FAM193A: variants seen among roughly 807,000 people sequenced by gnomAD.
FAM193A encodes the protein family with sequence similarity 193 member A, also known as protein FAM193A.
Under a neutral mutation model 126.5 loss-of-function variants are expected in FAM193A, and 22 were observed. The observed-to-expected ratio is 0.17, with a 90% CI of 0.12 to 0.25. FAM193A has a LOEUF of 0.25. Among genes scored for constraint, FAM193A ranks in the 10% least tolerant of loss-of-function variants. The probability of loss-of-function intolerance (pLI) is 1.00; values close to 1 mark genes in which losing one functional copy is unlikely to be tolerated. For synonymous variants in FAM193A, 761 were observed against 646.8 expected (o/e 1.18, Z -2.68); for missense variants, 1,675 against 1,672.8 (o/e 1.00, Z -0.02).
chr4:2,644,172 C>A (rs1019665518), intron 6 of FAM193A, among the ~76,000 whole-genome samples: 1 of 152,182 alleles, frequency 6.6e-6, no homozygotes. Context: ...AGCCCTGTGC[C>A]TGCAGATTGC....
chr4:2,721,079 C>T (rs1010824433), intron 20 of FAM193A, among the ~76,000 whole-genome samples: 1 of 151,870 alleles, frequency 6.6e-6, no homozygotes, highest in South Asian at 2.1e-4. Flanking sequence ...TTTGGGAGGC[C>T]GAGGCAGGTG....
chr4:2,663,344 T>G, intron 12 of FAM193A, 56 bp downstream of exon 12: 3 of 1,386,194 alleles, frequency 2.2e-6, no homozygotes, highest in Non-Finnish European at 2.9e-6. Context: ...GTATTTTCTC[T>G]AAACATGAGC....
intron 20 of FAM193A, among the ~76,000 whole-genome samples, chr4:2,730,138 G>T (rs1721209724): frequency 6.6e-6 from 1 of 152,074 alleles, no homozygotes; most frequent in Admixed American, 6.6e-5. Flanking sequence ...AAACGCCTGG[G>T]TTCAAGTGAT....
intron 4 of FAM193A, among the ~76,000 whole-genome samples, chr4:2,627,610 C>T (rs530242263): frequency 1.5e-5 from 2 of 131,992 alleles, no homozygotes; most frequent in African/African-American, 5.8e-5. Flanking sequence ...TGGAGTCTCA[C>T]TCTGTCGCCC....
At chr4:2,606,454 G>A (rs1741557939) in intron 2 of FAM193A, among the ~76,000 whole-genome samples, 5 of 152,180 alleles carry the variant, frequency 3.3e-5, no homozygotes, top group Admixed American at 2.6e-4. Context: ...AGTATTTGAA[G>A]AAATATTTTA....
At chr4:2,587,500 C>T (rs906533566) in intron 1 of FAM193A, among the ~76,000 whole-genome samples, 1 of 152,116 alleles carries the variant, frequency 6.6e-6, no homozygotes, top group Non-Finnish European at 1.5e-5. Flanking sequence ...CGAGACTAGC[C>T]TGGCGACCTA....
chr4:2,607,753 A>G (rs988981818), intron 2 of FAM193A: 9 of 465,442 alleles, frequency 1.9e-5, no homozygotes, highest in Middle Eastern at 5.7e-4. Flanking sequence ...ATGCTGGACC[A>G]TCTGAATGGG....
intron 12 of FAM193A, among the ~76,000 whole-genome samples, chr4:2,671,299 C>A (rs577734090): frequency 3.2e-4 from 48 of 152,212 alleles, no homozygotes; most frequent in Non-Finnish European, 5.3e-4. Flanking sequence ...TGCCACTCAC[C>A]CCAGTTGGGA....
At chr4:2,635,972 A>G (rs1035313386) in intron 5 of FAM193A, among the ~76,000 whole-genome samples, 3 of 151,850 alleles carry the variant, frequency 2.0e-5, no homozygotes, top group Admixed American at 2.0e-4. Context: ...TCAACTTTTT[A>G]CAGATAATGT....
At chr4:2,683,734 A>G (rs1381716002) in intron 13 of FAM193A, among the ~76,000 whole-genome samples, 2 of 152,164 alleles carry the variant, frequency 1.3e-5, no homozygotes, top group Non-Finnish European at 2.9e-5. Flanking sequence ...CTTTTTAGCT[A>G]TTACTACTTC....
At chr4:2,579,820 A>T (rs1577033310) in intron 1 of FAM193A, among the ~76,000 whole-genome samples, 1 of 152,200 alleles carries the variant, frequency 6.6e-6, no homozygotes, top group African/African-American at 2.4e-5. Context: ...ACGCTTATAC[A>T]CTGTTGGTGC....
intron 1 of FAM193A, among the ~76,000 whole-genome samples, chr4:2,552,763 TC>T (rs1235626999): frequency 1.3e-5 from 2 of 150,206 alleles, no homozygotes; most frequent in Non-Finnish European, 3.0e-5. Context: ...GGTCTTGATC[TC>T]ATGACCTCGG....
In FAM193A at chr4:2,732,137, C is replaced by G. The variant is rs1335917627; in HGVS notation, c.*269C>G. 2 of 490,458 alleles carry G rather than the reference C, an allele frequency of 4.1e-6. No homozygotes were observed. The highest frequency in any genetic ancestry group is 3.9e-5 in the African/African-American group (2 of 51,274). 30.4% of individuals were successfully genotyped at this position (490,458 alleles called of 1,614,324 possible). On this transcript the variant is annotated 3_prime_UTR_variant, in exon 21 of 21. Coordinates refer to ENST00000637812, the MANE Select transcript of FAM193A (RefSeq NM_001366318.2). ...CGCCAAGTCCTCCCACCACCGCGGCCTCGGAGGCCTGGGCCGTGGCCAGAT... is the reference window on the plus strand; with the variant it reads ...CGCCAAGTCCTCCCACCACCGCGGCGTCGGAGGCCTGGGCCGTGGCCAGAT...
At chr4:2,536,606 C>G (rs1420160822), upstream of FAM193A, 1 of 150,172 alleles carries the variant, frequency 6.7e-6, no homozygotes, top group Non-Finnish European at 1.5e-5. Context: ...CACCCCTCCC[C>G]CTCCCCGCTG....
upstream of FAM193A, among the ~76,000 whole-genome samples, chr4:2,536,449 A>G (rs1164091814): frequency 6.6e-6 from 1 of 151,750 alleles, no homozygotes; most frequent in South Asian, 2.1e-4. Context: ...GGGTACCCCC[A>G]GCTGCTGCAC....
chr4:2,542,781 G>A (rs557299428), intron 1 of FAM193A, among the ~76,000 whole-genome samples: 1 of 152,186 alleles, frequency 6.6e-6, no homozygotes, highest in East Asian at 1.9e-4. Flanking sequence ...TAAGAGAGAA[G>A]GCCGAGTGGA....
chr4:2,727,667 G>A (rs1159973619), intron 20 of FAM193A, among the ~76,000 whole-genome samples: 1 of 152,130 alleles, frequency 6.6e-6, no homozygotes, highest in Non-Finnish European at 1.5e-5. Context: ...TCAAATACTG[G>A]GTATTGTTGA....
chr4:2,557,653 G>A (rs1738339347), intron 1 of FAM193A, among the ~76,000 whole-genome samples: 1 of 152,034 alleles, frequency 6.6e-6, no homozygotes, highest in East Asian at 1.9e-4. Context: ...CTAAAATTCA[G>A]TAAAATGGTT....
chr4:2,553,310 C>G (rs1484586750), intron 1 of FAM193A, among the ~76,000 whole-genome samples: 1 of 151,842 alleles, frequency 6.6e-6, no homozygotes, highest in Non-Finnish European at 1.5e-5. Flanking sequence ...AGCCATTGCA[C>G]TCAAGCTAGG....
Sources: gnomAD v4.1 joint callset for allele counts (sites outside exome capture counted in the v4.1 genomes callset) on GRCh38, gnomAD v4.1.1 for gene constraint, MANE v1.5 for transcripts, NCBI Gene and HGNC (gene_info 2026-07-23, HGNC 2026-07-21) for gene names.